Variants in POT1 observed in about 807,000 individuals in gnomAD.
POT1 encodes protection of telomeres 1.
A neutral mutation model predicts 78.5 loss-of-function variants in POT1; 47 were observed. The ratio of observed to expected loss-of-function variants is 0.60; its 90% confidence interval spans 0.47 to 0.76. The LOEUF (loss-of-function observed/expected upper bound fraction) is 0.76. Ranked by LOEUF, POT1 falls within the 30% of genes least tolerant of loss-of-function variation. The pLI, the probability that POT1 is intolerant of heterozygous loss-of-function variation, is 0.00. For synonymous variants in POT1, 259 were observed against 260.7 expected, an observed-to-expected ratio of 0.99 and a Z score of 0.06; for missense variants, 646 against 749.9, an observed-to-expected ratio of 0.86 and a Z score of 1.62.
intron 7 of POT1, among the ~76,000 whole-genome samples, chr7:124,870,475 C>T (rs1310167023): frequency 6.6e-6 from 1 of 151,984 alleles, no homozygotes. Flanking sequence ...CTTAGTATCT[C>T]AATGTTTTCA....
chr7:124,898,610 C>G (rs1217652923), intron 3 of POT1, among the ~76,000 whole-genome samples: 1 of 151,856 alleles, frequency 6.6e-6, no homozygotes, highest in East Asian at 1.9e-4. Flanking sequence ...CAATAACGTC[C>G]CACTTCATGG....
chr7:124,881,066 T>A (rs141032821), intron 6 of POT1, among the ~76,000 whole-genome samples: 190 of 152,124 alleles, frequency 1.2e-3, no homozygotes, highest in African/African-American at 4.4e-3. Context: ...CAATATACAG[T>A]CATGTACTGC....
At chr7:124,901,969 T>C (rs1438777667) in intron 3 of POT1, among the ~76,000 whole-genome samples, 2 of 151,792 alleles carry the variant, frequency 1.3e-5, no homozygotes, top group Non-Finnish European at 2.9e-5. Flanking sequence ...GAAGAGAAGT[T>C]TACAGAAAAA....
At position 124,846,961 on chromosome 7, in the gene POT1, A is replaced by G. The variant is rs765813344; in HGVS notation, c.987T>C (p.Cys329=). 3 of 1,605,230 alleles carry G rather than the reference A, an allele frequency of 1.9e-6. No homozygotes were observed. The highest frequency in any genetic ancestry group is 4.5e-5 in the East Asian group (2 of 44,770). Residue 329 remains cysteine (C), a synonymous_variant, in exon 12 of 19, where the codon TGT becomes TGC. Coordinates refer to ENST00000357628, the MANE Select transcript of POT1 (RefSeq NM_015450.3). ...TCTTACTTGTAGCAGATAGCTGTTG[A>G]CATCTTTCTACCTCGTATAATGATA... ...GSVSLYEVER[C]QQLSATILTD...
chr7:124,885,013 AAT>A (rs2116609947), intron 6 of POT1, among the ~76,000 whole-genome samples: 1 of 152,306 alleles, frequency 6.6e-6, no homozygotes, highest in Non-Finnish European at 1.5e-5. Flanking sequence ...CTGCATACCT[AAT>A]ACTATCTAGC....
chr7:124,851,431 CTGTT>C (rs1368423589), intron 11 of POT1, among the ~76,000 whole-genome samples: 5 of 152,170 alleles, frequency 3.3e-5, no homozygotes, highest in Admixed American at 3.3e-4. Flanking sequence ...ACATATCCCT[CTGTT>C]TGTTAATATT....
Position 124,822,666 on chromosome 7 carries a change from C to T in POT1, c.*1296G>A, listed in dbSNP as rs1009406124. On this transcript the variant is annotated 3_prime_UTR_variant, in exon 19 of 19. Coordinates refer to ENST00000357628, the MANE Select transcript of POT1 (RefSeq NM_015450.3). ...ATATTTTTCCTGAAAATGTTTTGAA[C>T]CAAGAGTCTATATTCTTGAAAATAA... is the stretch of plus-strand genomic sequence containing the variant. 1 of 364,178 alleles carries T rather than the reference C, an allele frequency of 2.7e-6. No individual in the cohort carries two copies. The highest frequency in any genetic ancestry group is 2.1e-5 in the African/African-American group (1 of 48,048). 22.6% of individuals were successfully genotyped at this position (364,178 alleles called of 1,614,324 possible). A position where few individuals can be genotyped will look rare whatever the true frequency, so the allele number is the denominator to read the frequency against.
chr7:124,840,979 T>A lies in POT1; in HGVS notation c.1363A>T (p.Ile455Leu), dbSNP rs776965979. The A allele has an allele frequency of 1.3e-6, 2 of 1,594,800 alleles. No homozygotes were observed. Among genetic ancestry groups the A allele is most frequent in the East Asian group, 4.5e-5 (2 of 44,652 alleles). ...AGTGACTTAAATATCTTACCTTCTATCAAAAGTAGACATTCATTTGAAAGC... is the reference window on the plus strand; with the variant it reads ...AGTGACTTAAATATCTTACCTTCTAACAAAAGTAGACATTCATTTGAAAGC... The part of the protein sequence containing the change: ...LPLSNECLLL[I>L]EGGTLSEICK... The change falls in exon 14 of 19, where the codon ATA becomes TTA. Residue 455 changes from isoleucine to leucine, a missense_variant. This residue lies in a region of POT1 where 394 missense variants were observed against 408.4 expected (regional missense o/e 0.96). Transcript: ENST00000357628.
rs1206925416 is a variant in POT1, at chr7:124,914,058, C to T, written c.-154+1516G>A. Reference sequence around the variant, plus strand: ...GCTGAGGCAGGAGAACTGCTTGAACCCAGGAGGCAGAGGTTGCAGTGAGCC... The same window carrying T: ...GCTGAGGCAGGAGAACTGCTTGAACTCAGGAGGCAGAGGTTGCAGTGAGCC... On this transcript the variant is annotated intron_variant, in intron 3 of 18. Coordinates refer to ENST00000357628, the MANE Select transcript of POT1 (RefSeq NM_015450.3). Among the ~76,000 whole-genome samples, 5 of 150,234 alleles carry T rather than the reference C, an allele frequency of 3.3e-5. 1 individual carries two copies. The Admixed American group carries it at 3.4e-4, about 10-fold the overall frequency.
Position 124,859,058 on chromosome 7 carries a change from G to C in POT1, c.601C>G (p.Leu201Val), listed in dbSNP as rs2116526207. 5 of 1,610,504 alleles carry C rather than the reference G, an allele frequency of 3.1e-6. No homozygotes were observed. In the South Asian group the frequency reaches 4.4e-5, roughly 14 times the overall value. Reference sequence around the variant, plus strand: ...TGACTTAAATCACCTTCAAGAACAAGGTCTTGTATTAAGACTCTCCAAGAT... The same window carrying C: ...TGACTTAAATCACCTTCAAGAACAACGTCTTGTATTAAGACTCTCCAAGAT... ...FPSWRVLIQD[L>V]VLEGDLSHIH... is the part of the protein sequence containing the mutation. The change falls in exon 9 of 19, where the codon CTT (leucine) becomes GTT (valine). Residue 201 changes from leucine (L) to valine (V), a missense_variant. By Grantham distance (32) the Leu-to-Val change is conservative (BLOSUM62 1). Coordinates refer to ENST00000357628, the MANE Select transcript of POT1 (RefSeq NM_015450.3).
Position 124,851,932 on chromosome 7 carries a change from A to C in POT1, c.889T>G (p.Leu297Val), listed in dbSNP as rs762044659. 2.5e-6 allele frequency: 4 copies of C among 1,610,004 alleles called. No individual in the cohort carries two copies. Among genetic ancestry groups the C allele is most frequent in the Admixed American group, 1.7e-5 (1 of 59,962 alleles). ...QLKKDLESAN[L>V]TANQHSDVIC... Reference sequence around the variant, plus strand: ...ACATCTGAATGCTGATTGGCTGTCAAATTTGCAGATTCTAAATCCCTATAA... The same window carrying C: ...ACATCTGAATGCTGATTGGCTGTCACATTTGCAGATTCTAAATCCCTATAA... The change falls in exon 11 of 19, where the codon TTG (leucine) becomes GTG (valine). Residue 297 changes from leucine (L) to valine (V), a missense_variant. Physicochemically the swap from Leu to Val is conservative, Grantham distance 32. Around this residue, in one of 2 missense-constraint regions of POT1, gnomAD observed 394 missense variants for 408.4 expected, o/e 0.96. Coordinates refer to ENST00000357628, the MANE Select transcript of POT1 (RefSeq NM_015450.3).
intron 18 of POT1, among the ~76,000 whole-genome samples, 171 bp from the exon 19 acceptor site, chr7:124,824,245 C>A (rs971058225): frequency 6.6e-6 from 1 of 151,748 alleles, no homozygotes; most frequent in Admixed American, 6.6e-5. Flanking sequence ...AAAATACATA[C>A]TAGATTCATG....
rs1416551470 is a variant in POT1, at chr7:124,871,012, G to T, written c.154C>A (p.Gln52Lys). 6.2e-7 allele frequency: 1 copy of T among 1,607,138 alleles called. No homozygotes were observed. Among genetic ancestry groups the T allele is most frequent in the Admixed American group, 1.7e-5 (1 of 59,540 alleles). Residue 52 changes from glutamine to lysine, a missense_variant, in exon 7 of 19, where the codon CAG becomes AAG. By Grantham distance (53) the Gln-to-Lys change is moderately conservative. Coordinates refer to ENST00000357628, the MANE Select transcript of POT1 (RefSeq NM_015450.3). ...DYCSVVTIVD[Q>K]TNVKLTCLLF... ...AGGCAAGTTAGTTTTACATTTGTCT[G>T]GTCCACAATAGTTACAACTGAGCAA...
chr7:124,903,233 C>A (rs1186007734), intron 3 of POT1, among the ~76,000 whole-genome samples: 1 of 152,196 alleles, frequency 6.6e-6, no homozygotes, highest in African/African-American at 2.4e-5. Flanking sequence ...TTCTTCTCAG[C>A]ACCACATCGC....
rs1796838168 is a variant in POT1, at chr7:124,909,409, G to A, written c.-154+6165C>T. ...CTACCCTTAAGCAAACAAGCAAATG[G>A]CAAAGAAGGGTTTAAGAATCAAATT... is the stretch of plus-strand genomic sequence containing the variant. On this transcript the variant is annotated intron_variant, in intron 3 of 18. Coordinates refer to ENST00000357628, the MANE Select transcript of POT1 (RefSeq NM_015450.3). Among the ~76,000 whole-genome samples, 2 of 151,758 alleles carry A rather than the reference G, an allele frequency of 1.3e-5. 1 individual carries two copies. The highest frequency in any genetic ancestry group is 1.3e-4 in the Admixed American group (2 of 15,230).
intron 6 of POT1, among the ~76,000 whole-genome samples, chr7:124,891,018 C>T (rs62480274): frequency 0.32 from 48,388 of 151,518 alleles, 7,746 homozygotes; most frequent in South Asian, 0.4. Flanking sequence ...ATGTCTGATA[C>T]GTCTGTTAGG....
intron 6 of POT1, among the ~76,000 whole-genome samples, chr7:124,873,612 A>C (rs1795922369): frequency 6.6e-6 from 1 of 152,154 alleles, no homozygotes; most frequent in African/African-American, 2.4e-5. Context: ...TGGCCTCGTG[A>C]AATGAGTTTG....
At chr7:124,903,437 C>T (rs763681357) in intron 3 of POT1, among the ~76,000 whole-genome samples, 4 of 152,082 alleles carry the variant, frequency 2.6e-5, no homozygotes, top group Non-Finnish European at 4.4e-5. Context: ...GGGTACATAA[C>T]AAAATGAAGG....
At chr7:124,871,067 T>A in intron 6 of POT1, 26 bp from the exon 7 acceptor site, 11 of 1,541,384 alleles carry the variant, frequency 7.1e-6, no homozygotes, top group South Asian at 1.2e-5. Context: ...ATATTTTACC[T>A]GACTTTCAAT....
Sources: gnomAD v4.1 joint callset for allele counts (sites outside exome capture counted in the v4.1 genomes callset) on GRCh38, gnomAD v4.1.1 for gene constraint, gnomAD v4.1.1 regional missense constraint, MANE v1.5 for transcripts, NCBI Gene and HGNC (gene_info 2026-07-23, HGNC 2026-07-21) for gene names.